The following KLRG1 variants were observed in gnomAD, a reference collection of about 807,000 sequenced individuals.
KLRG1 encodes killer cell lectin-like receptor subfamily G member 1.
In KLRG1, 16 loss-of-function variants were observed where a neutral mutation model predicts 21.8. That is an observed-to-expected ratio of 0.73 (90% CI 0.50 to 1.11). The LOEUF (loss-of-function observed/expected upper bound fraction) is 1.11. Ranked by LOEUF, KLRG1 falls within the 50% of genes most tolerant of loss-of-function variation. The probability of loss-of-function intolerance (pLI) is 0.00; values close to 1 mark genes in which losing one functional copy is unlikely to be tolerated. For synonymous variants in KLRG1, 69 were observed against 75.9 expected, an observed-to-expected ratio of 0.91 and a Z score of 0.47; for missense variants, 173 against 218.3, an observed-to-expected ratio of 0.79 and a Z score of 1.31.
At chr12:9,172,337 A>G in the KLRG1 span, among the ~76,000 whole-genome samples, 1 of 152,210 alleles carries the variant, frequency 6.6e-6, no homozygotes, top group Non-Finnish European at 1.5e-5. Context: ...GAGCTCCTGA[A>G]GAAAGCACTA....
the KLRG1 span, among the ~76,000 whole-genome samples, chr12:9,096,407 G>A: frequency 4.6e-5 from 7 of 152,302 alleles, no homozygotes; most frequent in African/African-American, 1.7e-4. Context: ...TGCTTATCTT[G>A]TGGTGAGCAA....
chr12:9,063,929 C>A, the KLRG1 span, among the ~76,000 whole-genome samples: 2 of 152,112 alleles, frequency 1.3e-5, no homozygotes, highest in African/African-American at 4.8e-5. Context: ...CTTAAAGTAC[C>A]TTTTCAGTAA....
At chr12:9,165,084 A>T in the KLRG1 span, 12 of 1,562,792 alleles carry the variant, frequency 7.7e-6, no homozygotes, top group South Asian at 1.3e-4. Flanking sequence ...TAGCTGACTG[A>T]TCAAAGGAAT....
At chr12:9,056,119 T>C in the KLRG1 span, among the ~76,000 whole-genome samples, 4 of 152,192 alleles carry the variant, frequency 2.6e-5, no homozygotes, top group Non-Finnish European at 5.9e-5. Flanking sequence ...CAGGGGACAC[T>C]GTATTCAGCA....
chr12:9,067,781 G>A, the KLRG1 span: 19 of 1,605,204 alleles, frequency 1.2e-5, no homozygotes, highest in East Asian at 2.2e-5. Flanking sequence ...GTGGAGCTCT[G>A]AGAACAGGAC....
the KLRG1 span, chr12:9,158,653 C>T: frequency 6.2e-6 from 9 of 1,440,772 alleles, no homozygotes; most frequent in African/African-American, 1.4e-5. Flanking sequence ...ACACAGGCTC[C>T]CCCATCACAG....
At chr12:9,018,110 A>G in the KLRG1 span, among the ~76,000 whole-genome samples, 1 of 152,248 alleles carries the variant, frequency 6.6e-6, no homozygotes, top group Non-Finnish European at 1.5e-5. Context: ...AATTGAAGCG[A>G]ACACAAAAAC....
At chr12:9,079,570 A>G in the KLRG1 span, 8 of 1,435,176 alleles carry the variant, frequency 5.6e-6, no homozygotes, top group Non-Finnish European at 7.7e-6. Flanking sequence ...ATTCATAAGT[A>G]ACTGAAACCT....
chr12:9,202,172 A>G, the KLRG1 span: 2 of 705,046 alleles, frequency 2.8e-6, no homozygotes, highest in Non-Finnish European at 2.4e-6. Context: ...TTTGTTTTGT[A>G]TAAGACTGCA....
At chr12:9,047,541 G>A in the KLRG1 span, among the ~76,000 whole-genome samples, 1 of 152,142 alleles carries the variant, frequency 6.6e-6, no homozygotes, top group African/African-American at 2.4e-5. Context: ...ATAAGGTAGA[G>A]ATTAAATCTA....
chr12:9,147,815 A>G, the KLRG1 span, among the ~76,000 whole-genome samples: 1 of 152,186 alleles, frequency 6.6e-6, no homozygotes, highest in East Asian at 1.9e-4. Flanking sequence ...ATTATTAGCA[A>G]AATATCTTAT....
the KLRG1 span, chr12:9,095,807 C>T: frequency 5.2e-6 from 5 of 966,100 alleles, no homozygotes; most frequent in South Asian, 5.5e-5. Context: ...GGCCGGACCG[C>T]GGACTGCAGT....
chr12:8,969,388 C>G (rs757465141), intron 1 of KLRG1, among the ~76,000 whole-genome samples: 1 of 152,096 alleles, frequency 6.6e-6, no homozygotes, highest in African/African-American at 2.4e-5. Context: ...TGCAGTCAGC[C>G]GTTCTTGGGA....
chr12:9,175,035 G>A, the KLRG1 span, among the ~76,000 whole-genome samples: 90,424 of 152,046 alleles, frequency 0.59, 27,830 homozygotes, highest in East Asian at 0.83. Context: ...CAAAGCTGGA[G>A]GCATCATGTT....
chr12:8,996,176 T>C (rs991907569), intron 3 of KLRG1, among the ~76,000 whole-genome samples: 2 of 152,134 alleles, frequency 1.3e-5, no homozygotes, highest in Non-Finnish European at 1.5e-5. Flanking sequence ...TGTGTGTGTG[T>C]GGTGGCCTCC....
chr12:9,209,119 G>A, the KLRG1 span, among the ~76,000 whole-genome samples: 1 of 151,834 alleles, frequency 6.6e-6, no homozygotes, highest in East Asian at 1.9e-4. Flanking sequence ...ATATTGAACA[G>A]GATATTCAGT....
chr12:9,116,519 C>T, the KLRG1 span, among the ~76,000 whole-genome samples: 1 of 152,160 alleles, frequency 6.6e-6, no homozygotes, highest in African/African-American at 2.4e-5. Flanking sequence ...CGTGAAGTAA[C>T]AGGACTTCAA....
chr12:8,979,219 T>C (rs1157360784), intron 1 of KLRG1, among the ~76,000 whole-genome samples: 2 of 151,984 alleles, frequency 1.3e-5, no homozygotes, highest in Non-Finnish European at 2.9e-5. Context: ...TGTTTCACCA[T>C]GTTGGCCAGG....
At chr12:9,188,070 C>T in the KLRG1 span, among the ~76,000 whole-genome samples, 1 of 152,280 alleles carries the variant, frequency 6.6e-6, no homozygotes, top group Admixed American at 6.5e-5. Flanking sequence ...CAAAAATCCT[C>T]AACAAAATAT....
Sources: gnomAD v4.1 joint callset for allele counts (sites outside exome capture counted in the v4.1 genomes callset) on GRCh38, gnomAD v4.1.1 for gene constraint, MANE v1.5 for transcripts, NCBI Gene and HGNC (gene_info 2026-07-23, HGNC 2026-07-21) for gene names.